The following SLC6A11 variants were observed in gnomAD, a reference collection of about 807,000 sequenced individuals.
SLC6A11 encodes solute carrier family 6 member 11, also known as sodium- and chloride-dependent GABA transporter 3.
SLC6A11 carries 25 observed loss-of-function variants against 74.8 expected under a neutral mutation model. That is an observed-to-expected ratio of 0.33 (90% CI 0.24 to 0.47). The LOEUF is 0.47. Ranked by LOEUF, SLC6A11 falls within the 20% of genes least tolerant of loss-of-function variation. The pLI, the probability that SLC6A11 is intolerant of heterozygous loss-of-function variation, is 1.00. For synonymous variants in SLC6A11, 330 were observed against 330.2 expected, an observed-to-expected ratio of 1.00 and a Z score of 0.01; for missense variants, 574 against 837.0, an observed-to-expected ratio of 0.69 and a Z score of 3.88.
At chr3:10,857,294 C>T (rs1300824608) in intron 5 of SLC6A11, among the ~76,000 whole-genome samples, 1 of 152,026 alleles carries the variant, frequency 6.6e-6, no homozygotes, top group East Asian at 1.9e-4. Flanking sequence ...AAAGGGAGAG[C>T]CAAGGATGGC....
Position 10,939,643 on chromosome 3 carries a change from C to G in SLC6A11, c.*1241C>G, listed in dbSNP as rs554527326. ...CCCATCCTTGCCCCTGGTTCAGGAG[C>G]CATTCTACCTGCCTCAGTGGCCAGG... On this transcript the variant is annotated 3_prime_UTR_variant, in exon 14 of 14. Coordinates refer to ENST00000254488, the MANE Select transcript of SLC6A11 (RefSeq NM_014229.3). The G allele has an allele frequency of 1.1e-3, 165 of 152,380 alleles. No homozygotes were observed. Among genetic ancestry groups the G allele is most frequent in the African/African-American group, 3.9e-3 (163 of 41,562 alleles). The allele number at this position is 152,380 out of a possible 1,614,324, so 9.4% of individuals were successfully genotyped here.
At chr3:10,873,986 CGCTACGCTAT>C (rs1192307564) in intron 5 of SLC6A11, among the ~76,000 whole-genome samples, 5,288 of 117,024 alleles carry the variant, frequency 0.045, 311 homozygotes, top group African/African-American at 0.18. Context: ...CGCTACGCTA[CGCTACGCTAT>C]GCTATGCTAT....
chr3:10,860,505 G>T (rs1014039148), intron 5 of SLC6A11, among the ~76,000 whole-genome samples: 7 of 152,212 alleles, frequency 4.6e-5, no homozygotes, highest in African/African-American at 1.4e-4. Flanking sequence ...AACATGTAAG[G>T]GGCTGAGAGG....
intron 6 of SLC6A11, among the ~76,000 whole-genome samples, chr3:10,877,921 G>C (rs567661599): frequency 3.9e-5 from 6 of 152,160 alleles, no homozygotes; most frequent in Admixed American, 2.6e-4. Context: ...GGGGTTGATG[G>C]GCCCCACTCC....
intron 5 of SLC6A11, among the ~76,000 whole-genome samples, chr3:10,859,775 T>G (rs1390626891): frequency 6.6e-6 from 1 of 152,218 alleles, no homozygotes; most frequent in East Asian, 1.9e-4. Context: ...GTTACATCAT[T>G]ATTTTATGTA....
intron 5 of SLC6A11, among the ~76,000 whole-genome samples, chr3:10,866,931 T>G (rs146665676): frequency 6.6e-6 from 1 of 152,352 alleles, no homozygotes; most frequent in East Asian, 1.9e-4. Flanking sequence ...GTGGGAGTTA[T>G]GCCAGACTGT....
At chr3:10,861,853 G>A (rs3774115) in intron 5 of SLC6A11, among the ~76,000 whole-genome samples, 28,423 of 152,138 alleles carry the variant, frequency 0.19, 3,396 homozygotes, top group South Asian at 0.34. Flanking sequence ...ACCATCATGG[G>A]TTAGCTGGGA....
rs888538842 is a variant in SLC6A11, at chr3:10,926,037, C to T, written c.1154C>T (p.Ala385Val). 3.7e-6 allele frequency: 6 copies of T among 1,613,272 alleles called. No homozygotes were observed. The highest frequency in any genetic ancestry group is 4.2e-6 in the Non-Finnish European group (5 of 1,179,340). The change falls in exon 9 of 14, where the codon GCG (alanine) becomes GTG (valine). Residue 385 changes from alanine to valine, a missense_variant. This residue lies in a region of SLC6A11 where 257 missense variants were observed against 341.5 expected (regional missense o/e 0.75). Transcript: ENST00000254488. The surrounding 1 kb of genome is among the most constrained non-coding windows in gnomAD (Gnocchi z 5.7). ...PGLAFIAYPK[A>V]VTMMPLSPLW... Reference sequence around the variant, plus strand: ...CTGGCCTTTATTGCGTACCCCAAGGCGGTCACCATGATGCCTCTCTCCCCG... The same window carrying T: ...CTGGCCTTTATTGCGTACCCCAAGGTGGTCACCATGATGCCTCTCTCCCCG...
In SLC6A11 at chr3:10,929,077, G is replaced by A. The variant is rs367792878; in HGVS notation, c.1234-125G>A. The A allele has an allele frequency of 8.5e-5, 81 of 953,366 alleles. 2 individuals are homozygous for A. Among genetic ancestry groups the A allele is most frequent in the East Asian group, 8.2e-4 (34 of 41,398 alleles). 59.1% of individuals were successfully genotyped at this position (953,366 alleles called of 1,614,324 possible). On this transcript the variant is annotated intron_variant, in intron 9 of 13. Transcript: ENST00000254488. ...GATGACTGTTATCCTCAGGCCCCTC[G>A]TCTGCATTAATGGGTGTGGGAATGA... is the stretch of plus-strand genomic sequence containing the variant.
intron 10 of SLC6A11, among the ~76,000 whole-genome samples, chr3:10,932,465 G>A (rs1442146623): frequency 1.3e-5 from 2 of 152,040 alleles, no homozygotes; most frequent in Non-Finnish European, 2.9e-5. Flanking sequence ...TTTTTTAATT[G>A]TGAGCCCACA....
At chr3:10,835,650 A>G (rs1397507021) in intron 4 of SLC6A11, among the ~76,000 whole-genome samples, 1 of 152,232 alleles carries the variant, frequency 6.6e-6, no homozygotes, top group African/African-American at 2.4e-5. Flanking sequence ...ATCAAGAGAC[A>G]GGTTCAAGAC....
chr3:10,927,718 C>T (rs1434289321), intron 9 of SLC6A11, among the ~76,000 whole-genome samples: 2 of 152,246 alleles, frequency 1.3e-5, no homozygotes, highest in Non-Finnish European at 2.9e-5. Context: ...GCTTGAGTCC[C>T]AGCCCCATGA....
rs1695442009 is a variant in SLC6A11 at position 10,915,450 on chromosome 3, C to T, written c.996-2879C>T. Among the ~76,000 whole-genome samples the T allele has an allele frequency of 6.6e-6, 1 of 152,170 alleles. No homozygotes were observed. The highest frequency in any genetic ancestry group is 2.4e-5 in the African/African-American group (1 of 41,434). On this transcript the variant is annotated intron_variant, in intron 7 of 13. Coordinates refer to ENST00000254488, the MANE Select transcript of SLC6A11 (RefSeq NM_014229.3). This position sits in a 1 kb window ranked among gnomAD's most constrained non-coding sequence, Gnocchi z 4.3. ...GTTCTGCAAGTGGGTCTTCTCAACT[C>T]CAGTGGAGTAAATTAGTACCCTCTC...
intron 6 of SLC6A11, among the ~76,000 whole-genome samples, chr3:10,886,810 A>AG (rs1695047969): frequency 6.6e-6 from 1 of 150,954 alleles, no homozygotes; most frequent in African/African-American, 2.4e-5. Flanking sequence ...TCCATCTCAA[A>AG]AAAAAAAAAA....
chr3:10,840,510 T>C (rs770075631), intron 4 of SLC6A11, among the ~76,000 whole-genome samples: 1 of 152,248 alleles, frequency 6.6e-6, no homozygotes, highest in East Asian at 1.9e-4. Flanking sequence ...CCCCCAGGCT[T>C]AGCTCTGTGT....
chr3:10,832,093 C>T (rs1435169638), intron 4 of SLC6A11, among the ~76,000 whole-genome samples: 9 of 152,092 alleles, frequency 5.9e-5, no homozygotes, highest in Admixed American at 6.6e-5. Context: ...GAATTAATGC[C>T]TGTAATGTAG....
Position 10,816,571 on chromosome 3 carries a change from G to GGCGGGGAGCCAGGGGCGAGC in SLC6A11, c.256+54_256+73dup, listed in dbSNP as rs1389994825. ...GAGGGGGCGCCAACCGCCCGGTGGG[G>GGCGGGGAGCCAGGGGCGAGC]GCGGGGAGCCAGGGGCGAGCGCGAG... On this transcript the variant is annotated intron_variant, in intron 1 of 13. Transcript: ENST00000254488. The surrounding 1 kb of genome is among the most constrained non-coding windows in gnomAD (Gnocchi z 4.2). 1 of 1,506,960 alleles carries GGCGGGGAGCCAGGGGCGAGC rather than the reference G, an allele frequency of 6.6e-7. No individual in the cohort carries two copies. Among genetic ancestry groups the GGCGGGGAGCCAGGGGCGAGC allele is most frequent in the East Asian group, 2.7e-5 (1 of 37,382 alleles). The allele number at this position is 1,506,960 out of a possible 1,614,324, so 93.3% of individuals were successfully genotyped here. A position where few individuals can be genotyped will look rare whatever the true frequency, so the allele number is the denominator to read the frequency against.
At chr3:10,888,173 C>T (rs1413233921) in intron 6 of SLC6A11, among the ~76,000 whole-genome samples, 1 of 152,232 alleles carries the variant, frequency 6.6e-6, no homozygotes, top group Non-Finnish European at 1.5e-5. Context: ...GGCTCACCCT[C>T]TCTGAGCCTC....
intron 8 of SLC6A11, among the ~76,000 whole-genome samples, chr3:10,920,118 C>T (rs1695516601): frequency 2.6e-5 from 4 of 152,312 alleles, no homozygotes; most frequent in South Asian, 2.1e-4. Context: ...GAAACTCCCT[C>T]GCAGTGTTGC....
Sources: allele counts gnomAD v4.1 joint callset (sites outside exome capture counted in the v4.1 genomes callset), GRCh38; gene constraint gnomAD v4.1.1; regional missense constraint gnomAD v4.1.1; non-coding constraint Gnocchi (gnomAD v3.1); transcripts MANE v1.5; gene names NCBI Gene and HGNC (gene_info 2026-07-23, HGNC 2026-07-21).